Variants in TBCEL observed in about 807,000 individuals in gnomAD.
TBCEL encodes tubulin folding cofactor E like, also known as tubulin-specific chaperone cofactor E-like protein.
Under a neutral mutation model 44.2 loss-of-function variants are expected in TBCEL, and 15 were observed. The observed-to-expected ratio is 0.34, with a 90% CI of 0.23 to 0.52. TBCEL has a LOEUF of 0.52. Ranked by LOEUF, TBCEL falls within the 20% of genes least tolerant of loss-of-function variation. The pLI is 0.95. For missense variants in TBCEL, 319 were observed against 506.3 expected (o/e 0.63, Z 3.55); for synonymous variants, 171 against 185.4 (o/e 0.92, Z 0.63).
chr11:121,045,555 G>C, intron 2 of TBCEL, 119 bp from the exon 3 acceptor site: 1 of 745,800 alleles, frequency 1.3e-6, no homozygotes, highest in Non-Finnish European at 2.0e-6. Context: ...CAGTAACTAA[G>C]TATCATATGT....
At position 121,045,774 on chromosome 11, in the gene TBCEL, G is replaced by A. The variant is rs114354179; in HGVS notation, c.84G>A (p.Pro28=). The A allele has an allele frequency of 5.7e-4, 919 of 1,610,990 alleles. 7 individuals are homozygous for A. The African/African-American group carries it at 9.7e-3, about 17-fold the overall frequency. The change falls in exon 3 of 9, where the codon CCG becomes CCA. Residue 28 remains proline (P), a synonymous_variant. Transcript: ENST00000683345. Reference sequence around the variant, plus strand: ...AAAATTTTCCTTATCGCCGTGGCCCGGGGATGGGAGTCCATGTCCCAGCCA... The same window carrying A: ...AAAATTTTCCTTATCGCCGTGGCCCAGGGATGGGAGTCCATGTCCCAGCCA... ...SPENFPYRRG[P]GMGVHVPATP... is the part of the protein sequence containing the mutation.
Position 121,052,068 on chromosome 11 carries a change from A to G in TBCEL, c.274-1483A>G, listed in dbSNP as rs145415125. Among the ~76,000 whole-genome samples the G allele has an allele frequency of 2.7e-4, 41 of 151,968 alleles. No individual in the cohort carries two copies. The East Asian group carries it at 4.3e-3, about 16-fold the overall frequency. ...CTATGAAGCTTCTGATTCAGTAATT[A>G]TGGTGGAACCTTGGAATCAGCATAT... On this transcript the variant is annotated intron_variant, in intron 4 of 8. Transcript: ENST00000683345.
intron 2 of TBCEL, among the ~76,000 whole-genome samples, chr11:121,044,442 A>G (rs1156789970): frequency 1.3e-5 from 2 of 152,102 alleles, no homozygotes; most frequent in East Asian, 1.9e-4. Context: ...TGCTTTGGCA[A>G]CATCAGATAT....
intron 2 of TBCEL, among the ~76,000 whole-genome samples, chr11:121,039,469 CT>C (rs779385302): frequency 3.9e-5 from 6 of 152,196 alleles, no homozygotes; most frequent in Admixed American, 3.3e-4. Flanking sequence ...TTCTCACTTT[CT>C]TTAGTGCTTA....
intron 8 of TBCEL, among the ~76,000 whole-genome samples, chr11:121,063,907 G>A (rs1349954114): frequency 6.6e-6 from 1 of 152,004 alleles, no homozygotes; most frequent in Non-Finnish European, 1.5e-5. Flanking sequence ...CACTAGTCCT[G>A]GTAATACCAG....
At chr11:121,060,657 C>T (rs894474511) in intron 8 of TBCEL, among the ~76,000 whole-genome samples, 1 of 151,682 alleles carries the variant, frequency 6.6e-6, no homozygotes, top group Admixed American at 6.6e-5. Flanking sequence ...GAGGAACTAA[C>T]TTTAATTCTG....
chr11:121,076,435 G>A (rs1171618465), intron 8 of TBCEL, among the ~76,000 whole-genome samples: 1 of 151,914 alleles, frequency 6.6e-6, no homozygotes, highest in Non-Finnish European at 1.5e-5. Flanking sequence ...TCTTGGCCCT[G>A]TTATAAGTAG....
At position 121,088,428 on chromosome 11, in the gene TBCEL, A is replaced by G. The variant is rs1214253575; in HGVS notation, c.*1332A>G. On this transcript the variant is annotated 3_prime_UTR_variant, in exon 9 of 9. Coordinates refer to ENST00000683345, the MANE Select transcript of TBCEL (RefSeq NM_001363644.2). The stretch of plus-strand genomic sequence containing the variant: ...AAGCTAGTTCCTTACCTGCTTGGAA[A>G]TCTTTTTGTTTGTTCTTCTATTCCT... 1 of 152,110 alleles carries G rather than the reference A, an allele frequency of 6.6e-6. No homozygotes were observed. The highest frequency in any genetic ancestry group is 2.4e-5 in the African/African-American group (1 of 41,422). The allele number at this position is 152,110 out of a possible 1,614,324, so 9.4% of individuals were successfully genotyped here.
At chr11:121,080,095 G>A in intron 8 of TBCEL, among the ~76,000 whole-genome samples, 1 of 152,136 alleles carries the variant, frequency 6.6e-6, no homozygotes, top group East Asian at 1.9e-4. Context: ...GGGATTACAG[G>A]TGTGAGCCAC....
At chr11:121,033,427 G>GAT (rs1305325330) in intron 1 of TBCEL, among the ~76,000 whole-genome samples, 1 of 152,074 alleles carries the variant, frequency 6.6e-6, no homozygotes, top group Non-Finnish European at 1.5e-5. Context: ...CCAAGAAAAA[G>GAT]ATAAATGAAG....
intron 2 of TBCEL, among the ~76,000 whole-genome samples, chr11:121,044,439 G>A (rs890165191): frequency 3.9e-5 from 6 of 152,004 alleles, no homozygotes; most frequent in Admixed American, 3.9e-4. Context: ...GGCTGCTTTG[G>A]CAACATCAGA....
intron 1 of TBCEL, among the ~76,000 whole-genome samples, chr11:121,028,982 CCAATTCTT>C (rs1342936618): frequency 1.3e-5 from 2 of 152,172 alleles, no homozygotes; most frequent in African/African-American, 4.8e-5. Context: ...TCTGGCCCTA[CCAATTCTT>C]TATTTTCTAG....
intron 2 of TBCEL, among the ~76,000 whole-genome samples, chr11:121,037,689 T>G (rs1327526303): frequency 6.6e-6 from 1 of 152,250 alleles, no homozygotes; most frequent in African/African-American, 2.4e-5. Flanking sequence ...ATCTAATCTT[T>G]GTGTAAAAAA....
rs1381949587 is a variant in TBCEL, at chr11:121,087,690, A to T, written c.*594A>T. ...GTTCTCATTTCTCCCTTTTGAAATA[A>T]TTGAAAGTGTTTTAAGCATTTTTAA... On this transcript the variant is annotated 3_prime_UTR_variant, in exon 9 of 9. Coordinates refer to ENST00000683345, the MANE Select transcript of TBCEL (RefSeq NM_001363644.2). 6.6e-6 allele frequency: 1 copy of T among 152,272 alleles called. No individual in the cohort carries two copies. The highest frequency in any genetic ancestry group is 1.5e-5 in the Non-Finnish European group (1 of 68,170). The allele number at this position is 152,272 out of a possible 1,614,324, so 9.4% of individuals were successfully genotyped here. A position where few individuals can be genotyped will look rare whatever the true frequency, so the allele number is the denominator to read the frequency against.
chr11:121,045,573 T>C lies in TBCEL; in HGVS notation c.-17-101T>C, dbSNP rs139246650. 468 of 912,096 alleles carry C rather than the reference T, an allele frequency of 5.1e-4. 7 individuals carry two copies. The African/African-American group carries it at 6.7e-3, about 13-fold the overall frequency. 56.5% of individuals were successfully genotyped at this position (912,096 alleles called of 1,614,324 possible). A position where few individuals can be genotyped will look rare whatever the true frequency, so the allele number is the denominator to read the frequency against. ...TAACTAAGTATCATATGTCTTGCAA[T>C]GCCTAGTCTAGTACTTTATACATAA... On this transcript the variant is annotated intron_variant, in intron 2 of 8. Coordinates refer to ENST00000683345, the MANE Select transcript of TBCEL (RefSeq NM_001363644.2).
At chr11:121,033,471 A>G (rs1288533468) in intron 1 of TBCEL, among the ~76,000 whole-genome samples, 1 of 152,202 alleles carries the variant, frequency 6.6e-6, no homozygotes, top group Non-Finnish European at 1.5e-5. Flanking sequence ...CTCCCACTAA[A>G]TGTATTTATT....
At chr11:121,057,185 T>G (rs1468788450) in intron 6 of TBCEL, among the ~76,000 whole-genome samples, 1 of 151,840 alleles carries the variant, frequency 6.6e-6, no homozygotes, top group Admixed American at 6.6e-5. Flanking sequence ...TAGTTGTGAC[T>G]TGGGGTAGTT....
chr11:121,073,608 A>C (rs1475977707), intron 8 of TBCEL, among the ~76,000 whole-genome samples: 1 of 151,780 alleles, frequency 6.6e-6, no homozygotes, highest in African/African-American at 2.4e-5. Flanking sequence ...TATGACCTCC[A>C]GTATAATATT....
At chr11:121,035,570 T>A (rs1223830652) in intron 1 of TBCEL, 1 of 152,034 alleles carries the variant, frequency 6.6e-6, no homozygotes, top group Non-Finnish European at 1.5e-5. Flanking sequence ...CAGGGTGGTT[T>A]GTAAACTGCT....
Sources: allele counts gnomAD v4.1 joint callset (sites outside exome capture counted in the v4.1 genomes callset), GRCh38; gene constraint gnomAD v4.1.1; transcripts MANE v1.5; gene names NCBI Gene and HGNC (gene_info 2026-07-23, HGNC 2026-07-21).